BAIAP3: variants seen among roughly 807,000 people sequenced by gnomAD.
The protein encoded by BAIAP3 is BAI1-associated protein 3.
In BAIAP3, 180 loss-of-function variants were observed where a neutral mutation model predicts 149.7. The observed-to-expected ratio is 1.20, with a 90% CI of 1.07 to 1.36. The LOEUF is 1.36. BAIAP3 is among the 40% of genes most tolerant of loss of function. The probability of loss-of-function intolerance (pLI) is 0.00; values close to 1 mark genes in which losing one functional copy is unlikely to be tolerated. For synonymous variants in BAIAP3, 845 were observed against 670.7 expected (o/e 1.26, Z -4.02); for missense variants, 1,767 against 1,563.4 (o/e 1.13, Z -2.20).
At position 1,344,753 on chromosome 16, in the gene BAIAP3, TGCAGGTGGGGC is replaced by T. The variant is rs1328871864; in HGVS notation, c.1758-36_1758-26del. The T allele has an allele frequency of 6.4e-6, 10 of 1,556,726 alleles. No homozygotes were observed. In the Middle Eastern group the frequency reaches 1.0e-3, roughly 159 times the overall value. On this transcript the variant is annotated intron_variant, in intron 19 of 33. Transcript: ENST00000426824. ...GGCTGGGGTCGGAGCCAACAGGGCC[TGCAGGTGGGGC>T]GCAGGTGGATGAGGTGTGTCCCTTG...
chr16:1,340,965 G>C lies in BAIAP3; in HGVS notation c.452G>C (p.Arg151Pro). 1 of 1,592,350 alleles carries C rather than the reference G, an allele frequency of 6.3e-7. No individual in the cohort carries two copies. Among genetic ancestry groups the C allele is most frequent in the South Asian group, 1.1e-5 (1 of 88,654 alleles). The change falls in exon 6 of 34, where the codon CGA (arginine) becomes CCA (proline). Residue 151 changes from arginine to proline, a missense_variant. Physicochemically the swap from Arg to Pro is moderately radical, Grantham distance 103. Coordinates refer to ENST00000426824, the MANE Select transcript of BAIAP3 (RefSeq NM_001199097.2). ...SLEEHTEAIE[R>P]VRKAKAPTYA... ...GAGGAGCACACTGAGGCCATCGAGCGAGTGAGGAAGGCCAAGGTGAGGCCG... is the reference window on the plus strand; with the variant it reads ...GAGGAGCACACTGAGGCCATCGAGCCAGTGAGGAAGGCCAAGGTGAGGCCG...
In BAIAP3 at chr16:1,342,205, AG is replaced by A. The variant is rs773890617; in HGVS notation, c.880del (p.Ala294ProfsTer58). On this transcript the variant is annotated frameshift_variant, in exon 11 of 34. Coordinates refer to ENST00000426824, the MANE Select transcript of BAIAP3 (RefSeq NM_001199097.2). LOFTEE classifies it high-confidence loss of function. ...GGTACTTCAAACAGATCGTCAAGTC[AG>A]CCCGCGCAAACGGGACAGCAGGACC... is the stretch of plus-strand genomic sequence containing the variant. ...GRYFKQIVKSARANGTAGPTE... is the reference protein window; with the variant it reads ...GRYFKQIVKSXRANGTAGPTE... 2.5e-6 allele frequency: 4 copies of A among 1,608,750 alleles called. No homozygotes were observed.
intron 1 of BAIAP3, among the ~76,000 whole-genome samples, chr16:1,337,449 C>T (rs554405716): frequency 6.6e-6 from 1 of 152,324 alleles, no homozygotes; most frequent in South Asian, 2.1e-4. Context: ...ACCTGGAAGG[C>T]GGAGGTTGCG....
chr16:1,340,939 TGAG>T lies in BAIAP3; in HGVS notation c.430_432del (p.Glu144del), dbSNP rs1236106997. The stretch of plus-strand genomic sequence containing the variant: ...CTCCACAGGTGTTTGGCACCAGCCT[TGAG>T]GAGCACACTGAGGCCATCGAGCGAG... On this transcript the variant is annotated inframe_deletion, in exon 6 of 34. Transcript: ENST00000426824. 6.3e-7 allele frequency: 1 copy of T among 1,579,218 alleles called. No homozygotes were observed. The highest frequency in any genetic ancestry group is 8.6e-7 in the Non-Finnish European group (1 of 1,162,862).
rs1218146290 is a variant in BAIAP3, at chr16:1,344,110, A to G, written c.1475A>G (p.Asn492Ser). 6.2e-7 allele frequency: 1 copy of G among 1,611,922 alleles called. No homozygotes were observed. The change falls in exon 16 of 34, where the codon AAC becomes AGC. Residue 492 changes from asparagine to serine, a missense_variant. Coordinates refer to ENST00000426824, the MANE Select transcript of BAIAP3 (RefSeq NM_001199097.2). The stretch of plus-strand genomic sequence containing the variant: ...CTCCGAGACTACTTCCCTGCCACCA[A>G]CAGCACCGCTGTCCACCGCCTGGAG... ...RQLRDYFPAT[N>S]STAVHRLELL...
At chr16:1,343,664 C>A in intron 15 of BAIAP3, 151 bp downstream of exon 15, 1 of 1,303,616 alleles carries the variant, frequency 7.7e-7, no homozygotes, top group Non-Finnish European at 1.0e-6. Flanking sequence ...AGAGCCAGCG[C>A]TCTGCAGAAA....
rs2034597422 is a variant in BAIAP3 at position 1,349,362 on chromosome 16, C to T, written c.*880C>T. On this transcript the variant is annotated 3_prime_UTR_variant, in exon 34 of 34. Coordinates refer to ENST00000426824, the MANE Select transcript of BAIAP3 (RefSeq NM_001199097.2). ...CAGCAGCCGCAAAGAGCCGAGGCTG[C>T]CAGGCCCATTTATGTCCCTCATGTC... 1 of 1,554,696 alleles carries T rather than the reference C, an allele frequency of 6.4e-7. No individual in the cohort carries two copies. The highest frequency in any genetic ancestry group is 8.9e-7 in the Non-Finnish European group (1 of 1,127,058).
At position 1,340,570 on chromosome 16, in the gene BAIAP3, C is replaced by G. The variant is rs73485654; in HGVS notation, c.409-352C>G. Among the ~76,000 whole-genome samples, 1,065 of 152,322 alleles carry G rather than the reference C, an allele frequency of 7.0e-3. 11 individuals are homozygous for G. The highest frequency in any genetic ancestry group is 0.025 in the African/African-American group (1,020 of 41,572). On this transcript the variant is annotated intron_variant, in intron 5 of 33. Transcript: ENST00000426824. ...CAGGCTGCAGGTGCACACAGACACACACAGGCTGCATGTCTACACAGACAC... is the reference window on the plus strand; with the variant it reads ...CAGGCTGCAGGTGCACACAGACACAGACAGGCTGCATGTCTACACAGACAC...
intron 17 of BAIAP3, 52 bp downstream of exon 17, chr16:1,344,369 C>A: frequency 2.5e-6 from 4 of 1,610,924 alleles, no homozygotes; most frequent in Non-Finnish European, 3.4e-6. Context: ...CCTTCCCCTT[C>A]CCTGCCTTCC....
At chr16:1,340,804 T>G (rs1411273351) in intron 5 of BAIAP3, 118 bp from the exon 6 acceptor site, 1 of 1,101,688 alleles carries the variant, frequency 9.1e-7, no homozygotes, top group African/African-American at 1.6e-5. Flanking sequence ...CCCCCAACCC[T>G]GCACCCGTGA....
In BAIAP3 at chr16:1,348,243, C is replaced by CG. The variant is rs35412831; in HGVS notation, c.3302dup (p.Ala1102CysfsTer195). On this transcript the variant is annotated frameshift_variant, in exon 33 of 34. Transcript: ENST00000426824. LOFTEE classifies it high-confidence loss of function. ...CTGGTGTCGCCCGGCCCCAGGTGGG[C>CG]GGGGGTGCAAGGGCTGGGCAGCCTG... The CG allele has an allele frequency of 3.7e-6, 6 of 1,605,016 alleles. No individual in the cohort carries two copies. The South Asian group carries it at 6.6e-5, about 18-fold the overall frequency.
intron 1 of BAIAP3, among the ~76,000 whole-genome samples, chr16:1,337,864 A>G (rs1258799317): frequency 6.6e-6 from 1 of 152,104 alleles, no homozygotes; most frequent in Non-Finnish European, 1.5e-5. Context: ...CTTTGTGGGG[A>G]CACTGCCCCC....
In BAIAP3 at chr16:1,348,462, T is replaced by A; in HGVS notation, c.3439T>A (p.Cys1147Ser). Reference sequence around the variant, plus strand: ...GAAGAAACTCAAGGAGCTGGAGAAGTGCATGGAGGCGGACCCCTGAGTCCA... The same window carrying A: ...GAAGAAACTCAAGGAGCTGGAGAAGAGCATGGAGGCGGACCCCTGAGTCCA... The part of the protein sequence containing the change: ...FVKKLKELEK[C>S]MEADP The change falls in exon 34 of 34, where the codon TGC becomes AGC. Residue 1147 changes from cysteine to serine, a missense_variant. Physicochemically the swap from Cys to Ser is moderately radical, Grantham distance 112. Transcript: ENST00000426824. 1 of 1,611,290 alleles carries A rather than the reference T, an allele frequency of 6.2e-7. No homozygotes were observed. The highest frequency in any genetic ancestry group is 8.5e-7 in the Non-Finnish European group (1 of 1,179,326).
chr16:1,336,725 G>T (rs2033479165), intron 1 of BAIAP3, among the ~76,000 whole-genome samples: 2 of 152,206 alleles, frequency 1.3e-5, no homozygotes. Flanking sequence ...ACTGTGGGGA[G>T]CTGGCCTGGC....
chr16:1,347,114 C>T, intron 28 of BAIAP3, 159 bp downstream of exon 28: 1 of 877,038 alleles, frequency 1.1e-6, no homozygotes, highest in Non-Finnish European at 1.7e-6. Context: ...GAGGTGTGGC[C>T]TCTGGTGATG....
rs527801312 is a variant in BAIAP3, at chr16:1,343,540, A to C, written c.1386+27A>C. ...TGGGTGCAGCCGGGACCTTCTTGCC[A>C]GCCATGGCGAAGGGAGTGCTGGGGA... is the stretch of plus-strand genomic sequence containing the variant. On this transcript the variant is annotated intron_variant, in intron 15 of 33. Coordinates refer to ENST00000426824, the MANE Select transcript of BAIAP3 (RefSeq NM_001199097.2). The C allele has an allele frequency of 2.5e-6, 4 of 1,602,798 alleles. No homozygotes were observed. In the African/African-American group the frequency reaches 4.0e-5, roughly 16 times the overall value.
chr16:1,345,869 G>A lies in BAIAP3; in HGVS notation c.2187G>A (p.Gly729=). The change falls in exon 23 of 34, where the codon GGG becomes GGA. Residue 729 remains glycine, a synonymous_variant. Coordinates refer to ENST00000426824, the MANE Select transcript of BAIAP3 (RefSeq NM_001199097.2). ...LAWPDPAQAQ[G]LGTQLGQDVC... ...GGCCTGACCCTGCCCAGGCTCAGGG[G>A]CTGGGCACCCAGCTTGGCCAGGTGT... The A allele has an allele frequency of 6.3e-7, 1 of 1,578,904 alleles. No individual in the cohort carries two copies. The highest frequency in any genetic ancestry group is 1.2e-5 in the South Asian group (1 of 86,536).
At chr16:1,341,233 C>G (rs763991844) in intron 7 of BAIAP3, 38 bp downstream of exon 7, 9 of 1,606,994 alleles carry the variant, frequency 5.6e-6, no homozygotes, top group Non-Finnish European at 7.6e-6. Context: ...TGCGCCGAGG[C>G]CTGGCGGCCA....
rs752080013 is a variant in BAIAP3 at position 1,345,402 on chromosome 16, G to A, written c.2064+30G>A. ...CAGCTGCCCTGGCCTGAGGACACTGGGGCTGGTCCAGGCCCCCAGCCTCCC... is the reference window on the plus strand; with the variant it reads ...CAGCTGCCCTGGCCTGAGGACACTGAGGCTGGTCCAGGCCCCCAGCCTCCC... On this transcript the variant is annotated intron_variant, in intron 22 of 33. Coordinates refer to ENST00000426824, the MANE Select transcript of BAIAP3 (RefSeq NM_001199097.2). 4.4e-5 allele frequency: 69 copies of A among 1,584,484 alleles called. 1 individual carries two copies. The Admixed American group carries it at 8.3e-4, about 19-fold the overall frequency.
Sources: gnomAD v4.1 joint callset for allele counts (sites outside exome capture counted in the v4.1 genomes callset) on GRCh38, gnomAD v4.1.1 for gene constraint, MANE v1.5 for transcripts, NCBI Gene and HGNC (gene_info 2026-07-23, HGNC 2026-07-21) for gene names.